TMOD2: variants seen among roughly 807,000 people sequenced by gnomAD.
The protein encoded by TMOD2 is tropomodulin-2.
A neutral mutation model predicts 39.9 loss-of-function variants in TMOD2; 22 were observed. That is an observed-to-expected ratio of 0.55 (90% CI 0.39 to 0.79). TMOD2 has a LOEUF of 0.79. TMOD2 is among the 30% of genes least tolerant of loss of function. The probability of loss-of-function intolerance (pLI) is 0.00; values close to 1 mark genes in which losing one functional copy is unlikely to be tolerated. For missense variants in TMOD2, 386 were observed against 413.3 expected, an observed-to-expected ratio of 0.93 and a Z score of 0.57; for synonymous variants, 123 against 146.1, an observed-to-expected ratio of 0.84 and a Z score of 1.14.
chr15:51,760,944 A>G (rs887165778), intron 1 of TMOD2, among the ~76,000 whole-genome samples: 2 of 152,188 alleles, frequency 1.3e-5, no homozygotes, highest in Non-Finnish European at 2.9e-5. Context: ...CAGAGAGCAA[A>G]TAAGCCATTT....
At chr15:51,775,574 T>TTTC (rs2055881780) in intron 4 of TMOD2, among the ~76,000 whole-genome samples, 2 of 126,854 alleles carry the variant, frequency 1.6e-5, no homozygotes, top group African/African-American at 6.0e-5. Context: ...TTTTTCCTTT[T>TTTC]TTTTTTTTTT....
At chr15:51,773,088 C>T (rs1249082873) in intron 3 of TMOD2, among the ~76,000 whole-genome samples, 1 of 152,168 alleles carries the variant, frequency 6.6e-6, no homozygotes, top group African/African-American at 2.4e-5. Context: ...GACACCCAAG[C>T]CCACATATCC....
At chr15:51,767,173 A>G (rs1044837166) in intron 2 of TMOD2, 1 of 152,058 alleles carries the variant, frequency 6.6e-6, no homozygotes, top group Non-Finnish European at 1.5e-5. Flanking sequence ...TTATAGACAC[A>G]TGCCACCATG....
rs2056139842 is a variant in TMOD2, at chr15:51,809,150, T to C, written c.*696T>C. ...GCAAAATGAATTACACACCTACTTT[T>C]ACTGACTATTCAACATAAATTGAAT... On this transcript the variant is annotated 3_prime_UTR_variant, in exon 10 of 10. Coordinates refer to ENST00000249700, the MANE Select transcript of TMOD2 (RefSeq NM_014548.4). 6.6e-6 allele frequency: 1 copy of C among 152,666 alleles called. No individual in the cohort carries two copies. Among genetic ancestry groups the C allele is most frequent in the Non-Finnish European group, 1.5e-5 (1 of 68,044 alleles). 9.5% of individuals were successfully genotyped at this position (152,666 alleles called of 1,614,324 possible).
chr15:51,775,575 T>TTC (rs1567238934), intron 4 of TMOD2, among the ~76,000 whole-genome samples: 2 of 127,742 alleles, frequency 1.6e-5, no homozygotes, highest in South Asian at 2.8e-4. Context: ...TTTTCCTTTT[T>TTC]TTTTTTTTTT....
intron 5 of TMOD2, among the ~76,000 whole-genome samples, chr15:51,777,516 T>TA (rs2055897578): frequency 1.3e-5 from 2 of 152,320 alleles, no homozygotes; most frequent in South Asian, 4.1e-4. Flanking sequence ...GGCATGGACT[T>TA]ACGTGCACAG....
At chr15:51,800,250 T>C (rs1174149227) in intron 8 of TMOD2, among the ~76,000 whole-genome samples, 1 of 152,150 alleles carries the variant, frequency 6.6e-6, no homozygotes, top group East Asian at 1.9e-4. Flanking sequence ...TGACAATGCA[T>C]ATAAAGAAGA....
intron 8 of TMOD2, 67 bp from the exon 9 acceptor site, chr15:51,806,310 C>G: frequency 6.3e-7 from 1 of 1,575,246 alleles, no homozygotes; most frequent in Non-Finnish European, 8.7e-7. Context: ...TTGTCTTTTT[C>G]CTGTGCAAGT....
In TMOD2 at chr15:51,806,402, A is replaced by T; in HGVS notation, c.902A>T (p.Glu301Val). The change falls in exon 9 of 10, where the codon GAG becomes GTG. Residue 301 changes from glutamate to valine, a missense_variant. Physicochemically the swap from Glu to Val is moderately radical, Grantham distance 121 (BLOSUM62 -2). Coordinates refer to ENST00000249700, the MANE Select transcript of TMOD2 (RefSeq NM_014548.4). ...NQRQQLGTAVEMEIAQMLEEN... is the reference protein window; with the variant it reads ...NQRQQLGTAVVMEIAQMLEEN... ...AGGCAGCAGTTGGGAACAGCTGTAG[A>T]GATGGAAATTGCCCAGATGCTGGAG... 1.2e-6 allele frequency: 2 copies of T among 1,614,202 alleles called. No individual in the cohort carries two copies. Among genetic ancestry groups the T allele is most frequent in the Non-Finnish European group, 1.7e-6 (2 of 1,180,022 alleles).
At chr15:51,752,272 T>C (rs1684962626) in intron 1 of TMOD2, among the ~76,000 whole-genome samples, 1 of 152,202 alleles carries the variant, frequency 6.6e-6, no homozygotes, top group African/African-American at 2.4e-5. Context: ...ATTATTGTTA[T>C]TACTTTTCTG....
At chr15:51,807,609 G>A (rs1210022208) in intron 9 of TMOD2, among the ~76,000 whole-genome samples, 1 of 152,110 alleles carries the variant, frequency 6.6e-6, no homozygotes, top group Non-Finnish European at 1.5e-5. Flanking sequence ...AGAGACCAAA[G>A]GAAAACAGGC....
chr15:51,779,686 CT>C (rs201773750), intron 5 of TMOD2, among the ~76,000 whole-genome samples: 1,636 of 142,590 alleles, frequency 0.011, 19 homozygotes, highest in African/African-American at 0.022. Context: ...AATGAAGATA[CT>C]TTTTTTTTTT....
At chr15:51,790,388 C>G (rs1466802137) in intron 7 of TMOD2, among the ~76,000 whole-genome samples, 1 of 152,066 alleles carries the variant, frequency 6.6e-6, no homozygotes, top group Non-Finnish European at 1.5e-5. Context: ...AAAAAGAGTC[C>G]AGGACCAGAC....
intron 1 of TMOD2, among the ~76,000 whole-genome samples, chr15:51,763,299 A>C (rs2055794402): frequency 6.6e-6 from 1 of 152,216 alleles, no homozygotes; most frequent in Middle Eastern, 3.2e-3. Context: ...GGCAATTACA[A>C]ATAAATGTGC....
rs2055816077 is a variant in TMOD2, at chr15:51,766,323, T to C, written c.-69-50T>C. On this transcript the variant is annotated intron_variant, in intron 1 of 9. Transcript: ENST00000249700. ...ACTTCTGTCTCCTGTTAATAAGTCC[T>C]GTTTACAGAACGGAGATTCTTTTTT... The C allele has an allele frequency of 2.5e-5, 23 of 914,632 alleles. No individual in the cohort carries two copies. In the South Asian group the frequency reaches 4.0e-4, roughly 16 times the overall value. 56.7% of individuals were successfully genotyped at this position (914,632 alleles called of 1,614,324 possible).
intron 7 of TMOD2, chr15:51,783,058 G>A (rs1431116847): frequency 3.9e-6 from 2 of 509,356 alleles, no homozygotes; most frequent in African/African-American, 3.9e-5. Context: ...AAAGAAACAA[G>A]ATAAGTTTGG....
At chr15:51,788,047 A>T (rs1288627171) in intron 7 of TMOD2, among the ~76,000 whole-genome samples, 1 of 152,206 alleles carries the variant, frequency 6.6e-6, no homozygotes, top group Non-Finnish European at 1.5e-5. Flanking sequence ...CGGTAATAAC[A>T]AACTTCTCTG....
chr15:51,776,048 C>T (rs1190657692), intron 4 of TMOD2, among the ~76,000 whole-genome samples: 2 of 152,180 alleles, frequency 1.3e-5, no homozygotes, highest in Admixed American at 6.5e-5. Context: ...CACAGTTTAA[C>T]GTGGTCAGAG....
In TMOD2 at chr15:51,782,844, A is replaced by G; in HGVS notation, c.732+16A>G. On this transcript the variant is annotated intron_variant, in intron 7 of 9. Coordinates refer to ENST00000249700, the MANE Select transcript of TMOD2 (RefSeq NM_014548.4). ...TGTGGCCATTGTGAGTAAAATTCTT[A>G]GAAATATAACATGAAGTTATTTAAT... 6.2e-7 allele frequency: 1 copy of G among 1,602,834 alleles called. No individual in the cohort carries two copies. The highest frequency in any genetic ancestry group is 8.5e-7 in the Non-Finnish European group (1 of 1,171,340).
Sources: allele counts gnomAD v4.1 joint callset (sites outside exome capture counted in the v4.1 genomes callset), GRCh38; gene constraint gnomAD v4.1.1; transcripts MANE v1.5; gene names NCBI Gene and HGNC (gene_info 2026-07-23, HGNC 2026-07-21).